Variants in SORCS2 observed in about 807,000 individuals in gnomAD.
SORCS2 encodes sortilin related VPS10 domain containing receptor 2.
A neutral mutation model predicts 141.6 loss-of-function variants in SORCS2; 100 were observed. The observed-to-expected ratio is 0.71, with a 90% CI of 0.60 to 0.83. The LOEUF is 0.83. Ranked by LOEUF, SORCS2 falls within the 40% of genes least tolerant of loss-of-function variation. SORCS2 has a pLI of 0.00. For synonymous variants in SORCS2, 789 were observed against 676.9 expected (o/e 1.17, Z -2.57); for missense variants, 1,646 against 1,560.2 (o/e 1.05, Z -0.93).
chr4:7,517,949 C>T (rs924745499), intron 2 of SORCS2, among the ~76,000 whole-genome samples: 3 of 152,232 alleles, frequency 2.0e-5, no homozygotes, highest in Admixed American at 6.5e-5. Flanking sequence ...TAATGCCACA[C>T]ACGCTGGACG....
At chr4:7,707,517 G>A (rs971116793) in intron 14 of SORCS2, among the ~76,000 whole-genome samples, 3 of 152,202 alleles carry the variant, frequency 2.0e-5, no homozygotes, top group Non-Finnish European at 4.4e-5. Context: ...GCAACAGCGC[G>A]AATTCCTGCC....
chr4:7,264,772 C>T (rs895249246), intron 1 of SORCS2, among the ~76,000 whole-genome samples: 3 of 152,234 alleles, frequency 2.0e-5, no homozygotes, highest in African/African-American at 7.2e-5. Context: ...ACCCCCACTC[C>T]CTTCCAGCTG....
chr4:7,711,639 G>T (rs999862953), intron 14 of SORCS2, among the ~76,000 whole-genome samples: 8 of 152,246 alleles, frequency 5.3e-5, no homozygotes, highest in Non-Finnish European at 7.3e-5. Context: ...GAGGGAGAAA[G>T]CGAGGCACCT....
At chr4:7,551,841 G>A (rs1030246517) in intron 3 of SORCS2, among the ~76,000 whole-genome samples, 2 of 152,198 alleles carry the variant, frequency 1.3e-5, no homozygotes, top group Admixed American at 1.3e-4. Context: ...TGTGAAAGGA[G>A]ACTTTGACTA....
intron 10 of SORCS2, among the ~76,000 whole-genome samples, chr4:7,686,501 C>T (rs1417365504): frequency 4.4e-5 from 6 of 135,242 alleles, no homozygotes; most frequent in Non-Finnish European, 9.9e-5. Context: ...TGCCTCCAGC[C>T]CTGCAGGAAC....
intron 1 of SORCS2, among the ~76,000 whole-genome samples, chr4:7,337,885 A>G (rs1720088927): frequency 6.6e-6 from 1 of 151,552 alleles, no homozygotes; most frequent in Admixed American, 6.6e-5. Context: ...ACATGCTCCC[A>G]CATGCTGCCC....
chr4:7,546,316 TCTC>T (rs1004418187), intron 3 of SORCS2, among the ~76,000 whole-genome samples: 1 of 152,078 alleles, frequency 6.6e-6, no homozygotes, highest in African/African-American at 2.4e-5. Flanking sequence ...TCCTGTGTCT[TCTC>T]CCCTTCCCCG....
chr4:7,714,497 C>A, intron 16 of SORCS2, 124 bp downstream of exon 16: 1 of 1,047,158 alleles, frequency 9.5e-7, no homozygotes, highest in South Asian at 1.6e-5. Flanking sequence ...GTGTCACAGT[C>A]GCACACTGCC....
intron 3 of SORCS2, among the ~76,000 whole-genome samples, chr4:7,628,490 G>C (rs1378257742): frequency 1.3e-5 from 2 of 149,584 alleles, no homozygotes; most frequent in African/African-American, 2.4e-5. Flanking sequence ...CTGCACTCCA[G>C]CCTGGGCAAA....
intron 3 of SORCS2, among the ~76,000 whole-genome samples, chr4:7,583,465 TG>T (rs980290014): frequency 1.3e-5 from 2 of 152,202 alleles, no homozygotes; most frequent in African/African-American, 2.4e-5. Context: ...TCCTCAGATA[TG>T]GTTTGGCTGT....
At chr4:7,380,411 C>T (rs537720144) in intron 1 of SORCS2, among the ~76,000 whole-genome samples, 30 of 152,230 alleles carry the variant, frequency 2.0e-4, no homozygotes, top group Non-Finnish European at 2.6e-4. Flanking sequence ...GCGAGCTCCC[C>T]GTCACCGGAC....
At chr4:7,326,735 C>T (rs963903321) in intron 1 of SORCS2, among the ~76,000 whole-genome samples, 14 of 152,354 alleles carry the variant, frequency 9.2e-5, no homozygotes, top group East Asian at 5.8e-4. Context: ...CCTGGGACAG[C>T]GGAGAGGCTG....
At chr4:7,296,235 G>A (rs1355567034) in intron 1 of SORCS2, among the ~76,000 whole-genome samples, 1 of 152,200 alleles carries the variant, frequency 6.6e-6, no homozygotes, top group East Asian at 1.9e-4. Flanking sequence ...CGGAACCCCT[G>A]CCCCTGCCCT....
chr4:7,384,889 C>T (rs1466114651), intron 1 of SORCS2, among the ~76,000 whole-genome samples: 3 of 152,228 alleles, frequency 2.0e-5, no homozygotes, highest in Non-Finnish European at 2.9e-5. Flanking sequence ...ACACTGCATT[C>T]GAGGAGGAAT....
chr4:7,705,770 T>C (rs1725389131), intron 14 of SORCS2, among the ~76,000 whole-genome samples: 1 of 152,240 alleles, frequency 6.6e-6, no homozygotes, highest in Non-Finnish European at 1.5e-5. Flanking sequence ...CGACCCTGAG[T>C]GGCTCTTCCA....
chr4:7,213,729 C>G (rs1025919879), intron 1 of SORCS2, among the ~76,000 whole-genome samples: 4 of 152,200 alleles, frequency 2.6e-5, no homozygotes, highest in Admixed American at 6.5e-5. Flanking sequence ...AACAGCAGAG[C>G]TGGGTCTAGA....
At chr4:7,657,545 ATGAG>A (rs1168465489) in intron 5 of SORCS2, among the ~76,000 whole-genome samples, 3 of 152,164 alleles carry the variant, frequency 2.0e-5, no homozygotes, top group African/African-American at 7.2e-5. Context: ...GAAAGAATGA[ATGAG>A]TGAATGAATG....
At chr4:7,300,559 C>G (rs905087732) in intron 1 of SORCS2, among the ~76,000 whole-genome samples, 1 of 152,164 alleles carries the variant, frequency 6.6e-6, no homozygotes, top group African/African-American at 2.4e-5. Flanking sequence ...GCAACGTGCA[C>G]GCGTTGACAC....
At chr4:7,525,472 G>C (rs571623048) in intron 2 of SORCS2, among the ~76,000 whole-genome samples, 1 of 151,918 alleles carries the variant, frequency 6.6e-6, no homozygotes, top group African/African-American at 2.4e-5. Flanking sequence ...TGCTTCACCC[G>C]GGGGCAGTCC....
Sources: allele counts gnomAD v4.1 joint callset (sites outside exome capture counted in the v4.1 genomes callset), GRCh38; gene constraint gnomAD v4.1.1; transcripts MANE v1.5; gene names NCBI Gene and HGNC (gene_info 2026-07-23, HGNC 2026-07-21).